Variants in VLDLR observed in about 807,000 individuals in gnomAD.
VLDLR encodes very low density lipoprotein receptor.
In VLDLR, 81 loss-of-function variants were observed where a neutral mutation model predicts 112.7. The ratio of observed to expected loss-of-function variants is 0.72; its 90% CI spans 0.60 to 0.86. VLDLR has a LOEUF of 0.86. VLDLR is among the 40% of genes least tolerant of loss of function. The pLI, the probability that VLDLR is intolerant of heterozygous loss-of-function variation, is 0.00. For synonymous variants in VLDLR, 436 were observed against 384.8 expected (o/e 1.13, Z -1.56); for missense variants, 1,237 against 1,099.4 (o/e 1.13, Z -1.77).
At chr9:2,636,289 T>C (rs935048053) in intron 2 of VLDLR, among the ~76,000 whole-genome samples, 4 of 152,220 alleles carry the variant, frequency 2.6e-5, no homozygotes, top group Admixed American at 2.6e-4. Context: ...ATCCCTTTGT[T>C]CAGGGTTGTA....
At position 2,635,550 on chromosome 9, in the gene VLDLR, CGGCAGTGATG is replaced by C; in HGVS notation, c.181_190del (p.Gly61LysfsTer5). 6.2e-7 allele frequency: 1 copy of C among 1,613,930 alleles called. No homozygotes were observed. Among genetic ancestry groups the C allele is most frequent in the Admixed American group, 1.7e-5 (1 of 59,994 alleles). On this transcript the variant is annotated frameshift_variant, in exon 2 of 19. Coordinates refer to ENST00000382100, the MANE Select transcript of VLDLR (RefSeq NM_003383.5). LOFTEE classifies it high-confidence loss of function. ...GTGATGGGGATGAAGACTGTGTTGA[CGGCAGTGATG>C]AAAAGAACTGTGGTAAGTAAAGAGT...
At chr9:2,627,592 C>T (rs1247963997) in intron 1 of VLDLR, among the ~76,000 whole-genome samples, 3 of 152,166 alleles carry the variant, frequency 2.0e-5, no homozygotes, top group South Asian at 4.2e-4. Context: ...AGGCCGGGCG[C>T]GGTGGCTCAA....
At chr9:2,637,137 A>G (rs1206157499) in intron 2 of VLDLR, among the ~76,000 whole-genome samples, 6 of 152,220 alleles carry the variant, frequency 3.9e-5, no homozygotes, top group Non-Finnish European at 7.3e-5. Context: ...GTGACAGTAG[A>G]GAAAGAAAGT....
rs1586666445 is a variant in VLDLR, at chr9:2,657,510, A to C, written c.*3642A>C. ...TAGGAGCAGCAACTAGCTAAAGAGT[A>C]GAAAGAAGCTTCCCTTATTGTGGGT... On this transcript the variant is annotated 3_prime_UTR_variant, in exon 19 of 19. Transcript: ENST00000382100. The C allele has an allele frequency of 6.6e-6, 1 of 152,340 alleles. No homozygotes were observed. The allele number at this position is 152,340 out of a possible 1,614,324, so 9.4% of individuals were successfully genotyped here.
intron 3 of VLDLR, 44 bp downstream of exon 3, chr9:2,640,025 G>A (rs774126676): frequency 2.0e-5 from 33 of 1,613,744 alleles, no homozygotes; most frequent in Middle Eastern, 1.6e-4. Context: ...CAAGTTGTTC[G>A]GTGTCTAACA....
intron 1 of VLDLR, among the ~76,000 whole-genome samples, chr9:2,628,433 T>C (rs35136375): frequency 6.6e-6 from 1 of 152,118 alleles, no homozygotes; most frequent in Non-Finnish European, 1.5e-5. Context: ...TTTGAGCTGT[T>C]AGCTCAGCCC....
intron 1 of VLDLR, among the ~76,000 whole-genome samples, chr9:2,629,501 T>C (rs1315010452): frequency 1.3e-5 from 2 of 152,226 alleles, no homozygotes; most frequent in Non-Finnish European, 2.9e-5. Flanking sequence ...CTGGGACAAG[T>C]GACTGTACTT....
intron 2 of VLDLR, among the ~76,000 whole-genome samples, chr9:2,637,250 TA>T (rs904584954): frequency 9.2e-5 from 14 of 152,216 alleles, no homozygotes; most frequent in African/African-American, 3.4e-4. Flanking sequence ...CTCCTATTTT[TA>T]GTCTAACCTC....
rs777367729 is a variant in VLDLR, at chr9:2,621,822, C to G, written c.-368C>G. ...CCGGCCGCCGCCGGTGCGGGTGCTCCGCTACCGGCTCCTCTCCGTTCTGTG... is the reference window on the plus strand; with the variant it reads ...CCGGCCGCCGCCGGTGCGGGTGCTCGGCTACCGGCTCCTCTCCGTTCTGTG... On this transcript the variant is annotated 5_prime_UTR_variant, in exon 1 of 19. Coordinates refer to ENST00000382100, the MANE Select transcript of VLDLR (RefSeq NM_003383.5). The G allele has an allele frequency of 1.2e-5, 6 of 506,432 alleles. No homozygotes were observed. The East Asian group carries it at 3.4e-4, about 29-fold the overall frequency. The allele number at this position is 506,432 out of a possible 1,614,324, so 31.4% of individuals were successfully genotyped here.
At chr9:2,644,000 G>GA in intron 7 of VLDLR, 41 bp downstream of exon 7, 1 of 1,613,762 alleles carries the variant, frequency 6.2e-7, no homozygotes, top group South Asian at 1.1e-5. Context: ...CTGGAAGTTT[G>GA]ACACAATCCA....
In VLDLR at chr9:2,652,266, C is replaced by G. The variant is rs60349343; in HGVS notation, c.2416+312C>G. ...TAACTAGTGTACTGTTCTGTTCCCCCTTTGAAATGTGTGTAATGCTTCATA... is the reference window on the plus strand; with the variant it reads ...TAACTAGTGTACTGTTCTGTTCCCCGTTTGAAATGTGTGTAATGCTTCATA... On this transcript the variant is annotated intron_variant, in intron 17 of 18. Coordinates refer to ENST00000382100, the MANE Select transcript of VLDLR (RefSeq NM_003383.5). 8.6e-3 allele frequency among the ~76,000 whole-genome samples: 1,306 copies of G among 152,262 alleles called. 14 individuals carry two copies. The highest frequency in any genetic ancestry group is 0.029 in the African/African-American group (1,217 of 41,556).
chr9:2,633,736 G>A (rs1817471981), intron 1 of VLDLR, among the ~76,000 whole-genome samples: 3 of 152,044 alleles, frequency 2.0e-5, no homozygotes, highest in Non-Finnish European at 4.4e-5. Flanking sequence ...GATTACTCAA[G>A]GTAGAGTCTT....
chr9:2,644,885 G>A (rs1398496929), intron 8 of VLDLR, 32 bp downstream of exon 8: 15 of 1,614,004 alleles, frequency 9.3e-6, no homozygotes, highest in Admixed American at 1.7e-5. Flanking sequence ...GGACCCTGCA[G>A]GTGATGGGAA....
chr9:2,622,325 G>A (rs953040740), intron 1 of VLDLR, 54 bp downstream of exon 1: 3 of 1,404,272 alleles, frequency 2.1e-6, no homozygotes, highest in Non-Finnish European at 2.8e-6. Flanking sequence ...GGGGCACCGG[G>A]AGACCCCGAG....
At chr9:2,631,239 C>T (rs909683711) in intron 1 of VLDLR, among the ~76,000 whole-genome samples, 1 of 152,104 alleles carries the variant, frequency 6.6e-6, no homozygotes, top group African/African-American at 2.4e-5. Context: ...ATACAGCCAC[C>T]AAGGAAAACA....
At chr9:2,644,153 G>GTTTTTTTTTTTT (rs59793046) in intron 7 of VLDLR, among the ~76,000 whole-genome samples, 194 bp downstream of exon 7, 2 of 96,384 alleles carry the variant, frequency 2.1e-5, no homozygotes, top group East Asian at 2.9e-4. Context: ...TGTTTTTGTT[G>GTTTTTTTTTTTT]TTTTTTTTTT....
chr9:2,635,223 C>G (rs1817549114), intron 1 of VLDLR, among the ~76,000 whole-genome samples: 1 of 152,182 alleles, frequency 6.6e-6, no homozygotes. Context: ...CTTGGCTGCA[C>G]CTCACTGAGA....
intron 1 of VLDLR, among the ~76,000 whole-genome samples, chr9:2,631,946 G>T (rs1013071505): frequency 1.3e-5 from 2 of 151,962 alleles, no homozygotes; most frequent in African/African-American, 4.8e-5. Flanking sequence ...GAGAAGCAAG[G>T]CTCCCAGGAA....
chr9:2,651,445 CA>C lies in VLDLR; in HGVS notation c.2286del (p.Asp763IlefsTer13), dbSNP rs755152823. The C allele has an allele frequency of 6.2e-7, 1 of 1,613,972 alleles. No homozygotes were observed. Among genetic ancestry groups the C allele is most frequent in the African/African-American group, 1.3e-5 (1 of 75,036 alleles). ...GCAACTACTGTGACTTACAGTGAGACAAAAGATACGAACACAACAGAAATTT... is the reference window on the plus strand; with the variant it reads ...GCAACTACTGTGACTTACAGTGAGACAAAGATACGAACACAACAGAAATTT... Reference protein sequence around the residue: ...STATTVTYSETKDTNTTEISA... With the variant: ...STATTVTYSEXKDTNTTEISA... On this transcript the variant is annotated frameshift_variant, in exon 16 of 19. Transcript: ENST00000382100. LOFTEE classifies it high-confidence loss of function.
Sources: gnomAD v4.1 joint callset for allele counts (sites outside exome capture counted in the v4.1 genomes callset) on GRCh38, gnomAD v4.1.1 for gene constraint, MANE v1.5 for transcripts, NCBI Gene and HGNC (gene_info 2026-07-23, HGNC 2026-07-21) for gene names.